Variants in ADGRV1 observed in about 807,000 individuals in gnomAD.
ADGRV1 encodes adhesion G protein-coupled receptor V1, also known as G-protein coupled receptor 98.
ADGRV1 carries 359 observed loss-of-function variants against 596.2 expected under a neutral mutation model. That is an observed-to-expected ratio of 0.60 (90% CI 0.55 to 0.66). The LOEUF (loss-of-function observed/expected upper bound fraction) is 0.66. ADGRV1 is among the 30% of genes least tolerant of loss of function. The pLI is 0.00. For synonymous variants in ADGRV1, 2,681 were observed against 2,679.2 expected, an observed-to-expected ratio of 1.00 and a Z score of -0.02; for missense variants, 7,274 against 7,575.6, an observed-to-expected ratio of 0.96 and a Z score of 1.48.
intron 60 of ADGRV1, among the ~76,000 whole-genome samples, chr5:90,775,255 C>T (rs1045988853): frequency 6.6e-6 from 1 of 152,110 alleles, no homozygotes; most frequent in Non-Finnish European, 1.5e-5. Flanking sequence ...GTATCTATCA[C>T]TGTGTATACT....
chr5:90,715,701 T>A (rs901336604), intron 42 of ADGRV1, among the ~76,000 whole-genome samples: 1 of 152,146 alleles, frequency 6.6e-6, no homozygotes, highest in Non-Finnish European at 1.5e-5. Flanking sequence ...TATAATAGTC[T>A]TTAAGAATGT....
chr5:90,791,215 G>GA lies in ADGRV1; in HGVS notation c.14387dup (p.Asp4796GlufsTer13). ...AACCCGGCTTGCTGGAACATTTGGA[G>GA]ATGTGGCTGTTGGGCTTCGAATATC... is the stretch of plus-strand genomic sequence containing the variant. On this transcript the variant is annotated frameshift_variant, in exon 70 of 90. Transcript: ENST00000405460. LOFTEE classifies it high-confidence loss of function. 2 of 1,613,834 alleles carry GA rather than the reference G, an allele frequency of 1.2e-6. No individual in the cohort carries two copies. The highest frequency in any genetic ancestry group is 1.7e-6 in the Non-Finnish European group (2 of 1,179,848).
At chr5:90,615,696 GA>G (rs1178972337) in intron 2 of ADGRV1, among the ~76,000 whole-genome samples, 1 of 151,776 alleles carries the variant, frequency 6.6e-6, no homozygotes, top group Non-Finnish European at 1.5e-5. Flanking sequence ...AAAAAGAGAA[GA>G]TGAAGAAAAA....
At position 90,823,477 on chromosome 5, in the gene ADGRV1, G is replaced by C. The variant is rs375876245; in HGVS notation, c.16249G>C (p.Val5417Leu). Residue 5417 changes from valine to leucine, a missense_variant, in exon 76 of 90, where the codon GTC becomes CTC. Around this residue, in one of 5 missense-constraint regions of ADGRV1, gnomAD observed 1,874 missense variants for 1,970.2 expected, o/e 0.95. Transcript: ENST00000405460. ...FWRVTLNKTV[V>L]VLQKDGVNLV... ...GCGAGTCACACTTAACAAAACAGTC[G>C]TCGTGCTCCAGAAGGATGGGGTAAA... 3 of 1,613,784 alleles carry C rather than the reference G, an allele frequency of 1.9e-6. No individual in the cohort carries two copies. The Admixed American group carries it at 5.0e-5, about 27-fold the overall frequency.
At chr5:90,957,028 C>T (rs1777540782) in intron 83 of ADGRV1, among the ~76,000 whole-genome samples, 1 of 151,330 alleles carries the variant, frequency 6.6e-6, no homozygotes, top group African/African-American at 2.4e-5. Flanking sequence ...AAAAAGTAAA[C>T]ATGCTATGTG....
At chr5:91,108,380 C>A (rs1792074956) in intron 87 of ADGRV1, among the ~76,000 whole-genome samples, 1 of 152,068 alleles carries the variant, frequency 6.6e-6, no homozygotes, top group African/African-American at 2.4e-5. Context: ...TATTATGTAT[C>A]TTATACTTGC....
intron 1 of ADGRV1, among the ~76,000 whole-genome samples, chr5:90,569,389 T>A (rs867587492): frequency 3.6e-3 from 111 of 30,534 alleles, no homozygotes; most frequent in East Asian, 5.8e-3. Context: ...ATATATATAT[T>A]TTTTTTTTTT....
chr5:90,679,807 G>A (rs1187076812), intron 26 of ADGRV1, among the ~76,000 whole-genome samples, 178 bp downstream of exon 26: 1 of 152,042 alleles, frequency 6.6e-6, no homozygotes, highest in Non-Finnish European at 1.5e-5. Flanking sequence ...TAGTCACCCA[G>A]CTAGTAAGGG....
intron 84 of ADGRV1, among the ~76,000 whole-genome samples, chr5:90,975,461 T>A (rs779633984): frequency 6.6e-6 from 1 of 152,120 alleles, no homozygotes; most frequent in Non-Finnish European, 1.5e-5. Context: ...CAAATGTCCA[T>A]CAGTGATAGA....
In ADGRV1 at chr5:90,664,512, G is replaced by C. The variant is rs1254953155; in HGVS notation, c.4752+6234G>C. ...TGCTTATCAGCTTAAGGAGATTTTG[G>C]GCTGAGACAGTGGGGTTTTCTAGAT... On this transcript the variant is annotated intron_variant, in intron 21 of 89. Transcript: ENST00000405460. Among the ~76,000 whole-genome samples the C allele has an allele frequency of 3.0e-4, 43 of 144,610 alleles. 2 individuals carry two copies. The East Asian group carries it at 7.3e-3, about 25-fold the overall frequency. 94.9% of individuals were successfully genotyped at this position (144,610 alleles called of 152,430 possible).
chr5:91,024,572 A>G (rs1241562185), intron 85 of ADGRV1, among the ~76,000 whole-genome samples: 3 of 152,128 alleles, frequency 2.0e-5, no homozygotes, highest in Admixed American at 2.0e-4. Flanking sequence ...ACAAAGTAAA[A>G]TTCCTAATCC....
chr5:90,693,221 C>A, intron 32 of ADGRV1, among the ~76,000 whole-genome samples: 1 of 82,136 alleles, frequency 1.2e-5, no homozygotes, highest in East Asian at 4.7e-4. Context: ...GAACTTGTGA[C>A]AAGTCCCTGG....
intron 85 of ADGRV1, among the ~76,000 whole-genome samples, chr5:91,022,442 C>A (rs770126564): frequency 6.6e-6 from 1 of 151,962 alleles, no homozygotes; most frequent in Non-Finnish European, 1.5e-5. Context: ...TGGCTTTTTG[C>A]TGCCATAAAA....
chr5:91,065,986 C>T (rs1787851844), intron 85 of ADGRV1, among the ~76,000 whole-genome samples: 1 of 152,126 alleles, frequency 6.6e-6, no homozygotes, highest in Admixed American at 6.5e-5. Context: ...TGTAAGACCC[C>T]AAAAGACTAT....
rs1251785955 is a variant in ADGRV1, at chr5:90,706,363, C to T, written c.8699C>T (p.Thr2900Ile). 2.5e-6 allele frequency: 4 copies of T among 1,610,184 alleles called. No homozygotes were observed. The East Asian group carries it at 6.7e-5, about 27-fold the overall frequency. Reference protein sequence around the residue: ...IGFLILEEGETAAAINITILE... With the variant: ...IGFLILEEGEIAAAINITILE... The stretch of plus-strand genomic sequence containing the variant: ...TTTCTGATTTTAGAAGAAGGGGAAA[C>T]AGCAGCAGCCATCAACATTACCATT... The change falls in exon 38 of 90, where the codon ACA (threonine) becomes ATA (isoleucine). Residue 2900 changes from threonine (T) to isoleucine (I), a missense_variant. Transcript: ENST00000405460.
chr5:90,923,993 G>T (rs1421348404), intron 83 of ADGRV1, among the ~76,000 whole-genome samples: 1 of 151,688 alleles, frequency 6.6e-6, no homozygotes, highest in Non-Finnish European at 1.5e-5. Context: ...GTATTCCATG[G>T]TGTATATGTG....
At chr5:90,836,549 T>G (rs765128915) in intron 77 of ADGRV1, among the ~76,000 whole-genome samples, 2 of 151,984 alleles carry the variant, frequency 1.3e-5, no homozygotes, top group Non-Finnish European at 1.5e-5. Context: ...GAAAAGAAAT[T>G]GGTGGTTGCC....
intron 83 of ADGRV1, among the ~76,000 whole-genome samples, chr5:90,951,221 T>G (rs1430160657): frequency 2.0e-5 from 3 of 152,194 alleles, no homozygotes; most frequent in African/African-American, 7.2e-5. Flanking sequence ...AGAACTAGTT[T>G]AATTGGATTG....
intron 10 of ADGRV1, among the ~76,000 whole-genome samples, chr5:90,637,436 A>G (rs1359902476): frequency 2.6e-5 from 4 of 151,848 alleles, no homozygotes; most frequent in African/African-American, 7.2e-5. Context: ...TTTGGGTTTT[A>G]AAATATTTGC....
Sources: allele counts gnomAD v4.1 joint callset (sites outside exome capture counted in the v4.1 genomes callset), GRCh38; gene constraint gnomAD v4.1.1; regional missense constraint gnomAD v4.1.1; transcripts MANE v1.5; gene names NCBI Gene and HGNC (gene_info 2026-07-23, HGNC 2026-07-21).